The following GRXCR1 variants were observed in gnomAD, a reference collection of about 807,000 sequenced individuals.
The protein encoded by GRXCR1 is glutaredoxin and cysteine rich domain containing 1.
In GRXCR1, 27 loss-of-function variants were observed where a neutral mutation model predicts 27.3. The observed-to-expected ratio is 0.99, with a 90% confidence interval of 0.73 to 1.37. GRXCR1 has a LOEUF of 1.37. Among genes scored for constraint, GRXCR1 ranks in the 40% most tolerant of loss-of-function variants. The pLI is 0.00. For missense variants in GRXCR1, 379 were observed against 354.4 expected (o/e 1.07, Z -0.56); for synonymous variants, 122 against 131.1 (o/e 0.93, Z 0.47).
intron 2 of GRXCR1, among the ~76,000 whole-genome samples, chr4:42,983,934 C>T (rs1350743950): frequency 6.6e-6 from 1 of 150,822 alleles, no homozygotes; most frequent in Non-Finnish European, 1.5e-5. Flanking sequence ...CTTCCAGGTT[C>T]AAGCAATTCT....
At chr4:42,983,372 G>A (rs1252695273) in intron 2 of GRXCR1, among the ~76,000 whole-genome samples, 44 of 149,598 alleles carry the variant, frequency 2.9e-4, no homozygotes, top group African/African-American at 1.1e-3. Context: ...TTGTAGATAT[G>A]CGGCGTTATT....
At chr4:42,964,132 G>A (rs1173346585) in intron 2 of GRXCR1, among the ~76,000 whole-genome samples, 1 of 152,006 alleles carries the variant, frequency 6.6e-6, no homozygotes, top group African/African-American at 2.4e-5. Context: ...ATTACATTCT[G>A]TAGTAGAGGA....
intron 2 of GRXCR1, among the ~76,000 whole-genome samples, chr4:43,002,698 A>G (rs1434659110): frequency 1.3e-5 from 2 of 152,068 alleles, no homozygotes; most frequent in African/African-American, 2.4e-5. Context: ...ACTGGGCTAC[A>G]TGTATCAATG....
At chr4:42,932,333 C>T (rs1747331811) in intron 1 of GRXCR1, among the ~76,000 whole-genome samples, 1 of 151,556 alleles carries the variant, frequency 6.6e-6, no homozygotes, top group Non-Finnish European at 1.5e-5. Context: ...GAATATATTT[C>T]CCACAGCAGT....
At chr4:42,932,619 TAGAGAGAGAGAGAGAGAGAGAG>T (rs762758381) in intron 1 of GRXCR1, among the ~76,000 whole-genome samples, 5 of 22,918 alleles carry the variant, frequency 2.2e-4, no homozygotes, top group South Asian at 4.1e-3. Flanking sequence ...TATATATATA[TAGAGAGAGAGAGAGAGAGAGAG>T]AGAGAGAGAG....
chr4:42,911,151 A>G (rs376846476), intron 1 of GRXCR1, among the ~76,000 whole-genome samples: 1 of 152,252 alleles, frequency 6.6e-6, no homozygotes, highest in East Asian at 1.9e-4. Context: ...TGCTCCATAA[A>G]TACCTGTGGA....
intron 1 of GRXCR1, among the ~76,000 whole-genome samples, chr4:42,914,904 T>G (rs1044569500): frequency 6.6e-6 from 1 of 152,096 alleles, no homozygotes; most frequent in Non-Finnish European, 1.5e-5. Context: ...ATAAGGGGCT[T>G]CTCCCTTTGC....
intron 1 of GRXCR1, among the ~76,000 whole-genome samples, chr4:42,895,815 G>T (rs968969811): frequency 6.6e-6 from 1 of 152,046 alleles, no homozygotes; most frequent in Non-Finnish European, 1.5e-5. Context: ...AGAAGCCCCA[G>T]GGGCTAGAAG....
At chr4:42,930,604 C>T (rs947348308) in intron 1 of GRXCR1, among the ~76,000 whole-genome samples, 5 of 151,880 alleles carry the variant, frequency 3.3e-5, no homozygotes, top group African/African-American at 1.2e-4. Flanking sequence ...AATAGAGACT[C>T]TTTTTTAAAA....
At position 42,987,554 on chromosome 4, in the gene GRXCR1, A is replaced by T. The variant is rs542085868; in HGVS notation, c.627+24420A>T. On this transcript the variant is annotated intron_variant, in intron 2 of 3. Coordinates refer to ENST00000399770, the MANE Select transcript of GRXCR1 (RefSeq NM_001080476.3). ...CACCTTAGCCTCCCAAAGTGTTAGG[A>T]TCCACCACCTGGCCTAAACAATAAG... 2.0e-5 allele frequency among the ~76,000 whole-genome samples: 3 copies of T among 152,076 alleles called. No individual in the cohort carries two copies. The South Asian group carries it at 6.2e-4, about 32-fold the overall frequency.
chr4:42,893,746 C>G, intron 1 of GRXCR1, 96 bp downstream of exon 1: 1 of 1,128,486 alleles, frequency 8.9e-7, no homozygotes, highest in Non-Finnish European at 1.3e-6. Flanking sequence ...CTCTTATTTG[C>G]AACTCCTACA....
chr4:43,005,668 C>T (rs1712533621), intron 2 of GRXCR1, among the ~76,000 whole-genome samples: 1 of 152,148 alleles, frequency 6.6e-6, no homozygotes, highest in Non-Finnish European at 1.5e-5. Context: ...CTAACACTAA[C>T]ATCCAAAGCA....
intron 1 of GRXCR1, among the ~76,000 whole-genome samples, chr4:42,918,342 T>C (rs893593545): frequency 3.3e-5 from 5 of 152,166 alleles, no homozygotes; most frequent in Non-Finnish European, 5.9e-5. Flanking sequence ...CTAGCACTGT[T>C]GCGTTGGTGA....
intron 1 of GRXCR1, among the ~76,000 whole-genome samples, chr4:42,921,985 G>A (rs558053176): frequency 1.3e-5 from 2 of 152,086 alleles, no homozygotes; most frequent in Non-Finnish European, 2.9e-5. Context: ...TCTGGCATTG[G>A]TTGGTGGCCA....
intron 2 of GRXCR1, among the ~76,000 whole-genome samples, chr4:42,968,165 C>A (rs1404986533): frequency 6.6e-6 from 1 of 152,032 alleles, no homozygotes; most frequent in Non-Finnish European, 1.5e-5. Context: ...AAGTCTGTTT[C>A]CTCAATTCAG....
At chr4:43,003,517 C>G (rs953840102) in intron 2 of GRXCR1, among the ~76,000 whole-genome samples, 1 of 151,888 alleles carries the variant, frequency 6.6e-6, no homozygotes, top group African/African-American at 2.4e-5. Flanking sequence ...TGGTTGTGAT[C>G]AAAATGCTGA....
intron 1 of GRXCR1, among the ~76,000 whole-genome samples, chr4:42,900,226 A>G: frequency 6.6e-6 from 1 of 152,204 alleles, no homozygotes; most frequent in East Asian, 1.9e-4. Context: ...AGGGATTTAC[A>G]AAATTATAAA....
chr4:42,916,917 G>A (rs1746898326), intron 1 of GRXCR1, among the ~76,000 whole-genome samples: 1 of 152,008 alleles, frequency 6.6e-6, no homozygotes, highest in Non-Finnish European at 1.5e-5. Context: ...TTTATGTAAG[G>A]AAGAACCTTA....
At chr4:42,905,748 G>T (rs1379847544) in intron 1 of GRXCR1, among the ~76,000 whole-genome samples, 1 of 152,122 alleles carries the variant, frequency 6.6e-6, no homozygotes, top group African/African-American at 2.4e-5. Flanking sequence ...GAAAATTCCA[G>T]AAAATTACCG....
Sources: gnomAD v4.1 joint callset for allele counts (sites outside exome capture counted in the v4.1 genomes callset) on GRCh38, gnomAD v4.1.1 for gene constraint, MANE v1.5 for transcripts, NCBI Gene and HGNC (gene_info 2026-07-23, HGNC 2026-07-21) for gene names.